The following FSTL5 variants were observed in gnomAD, a reference collection of about 807,000 sequenced individuals.
FSTL5 encodes the protein follistatin-related protein 5.
A neutral mutation model predicts 89.1 loss-of-function variants in FSTL5; 62 were observed. The observed-to-expected ratio is 0.70, with a 90% confidence interval of 0.57 to 0.86. The LOEUF (loss-of-function observed/expected upper bound fraction) is 0.86, where lower values mean the gene tolerates loss of function less well. FSTL5 is among the 40% of genes least tolerant of loss of function. The pLI is 0.00. For missense variants in FSTL5, 1,057 were observed against 1,001.6 expected (o/e 1.06, Z -0.75); for synonymous variants, 383 against 346.2 (o/e 1.11, Z -1.18).
Position 161,385,502 on chromosome 4 carries a change from T to A in FSTL5, c.*245A>T. On this transcript the variant is annotated 3_prime_UTR_variant, in exon 16 of 16. Transcript: ENST00000306100. ...TTTATTGTTTAAAGCATAATTTACA[T>A]ATTTGATTCTTGTGACTGATGTGAT... 2.4e-6 allele frequency: 1 copy of A among 408,658 alleles called. No homozygotes were observed. Among genetic ancestry groups the A allele is most frequent in the Non-Finnish European group, 4.3e-6 (1 of 231,172 alleles). The allele number at this position is 408,658 out of a possible 1,614,324, so 25.3% of individuals were successfully genotyped here. A position where few individuals can be genotyped will look rare whatever the true frequency, so the allele number is the denominator to read the frequency against.
At chr4:161,914,156 C>G (rs536527301) in intron 4 of FSTL5, among the ~76,000 whole-genome samples, 1 of 152,106 alleles carries the variant, frequency 6.6e-6, no homozygotes, top group Non-Finnish European at 1.5e-5. Context: ...AATATTTGAA[C>G]TGACGAAATG....
At chr4:161,818,601 C>A (rs1666334410) in intron 4 of FSTL5, among the ~76,000 whole-genome samples, 1 of 152,308 alleles carries the variant, frequency 6.6e-6, no homozygotes, top group Non-Finnish European at 1.5e-5. Context: ...GAGGTTTGAG[C>A]AGTGGGGCAT....
chr4:161,904,941 T>C (rs1336545881), intron 4 of FSTL5, among the ~76,000 whole-genome samples: 2 of 151,890 alleles, frequency 1.3e-5, no homozygotes, highest in Non-Finnish European at 2.9e-5. Context: ...TATTTTTAAA[T>C]GTATATTTAT....
chr4:161,392,077 T>C (rs746344113), intron 15 of FSTL5, among the ~76,000 whole-genome samples: 16 of 152,178 alleles, frequency 1.1e-4, no homozygotes, highest in Non-Finnish European at 1.8e-4. Flanking sequence ...GGGACTCTAA[T>C]TGTTCTAGGC....
intron 4 of FSTL5, among the ~76,000 whole-genome samples, chr4:161,840,447 C>A (rs1731175761): frequency 6.6e-6 from 1 of 152,086 alleles, no homozygotes; most frequent in African/African-American, 2.4e-5. Context: ...ATGCTTATTT[C>A]TCAATGTATA....
intron 2 of FSTL5, among the ~76,000 whole-genome samples, chr4:162,090,281 A>G (rs1349851624): frequency 6.6e-6 from 1 of 152,160 alleles, no homozygotes; most frequent in Non-Finnish European, 1.5e-5. Context: ...TGCACAGCAA[A>G]AGAGACTGTC....
chr4:161,678,488 A>G (rs1737399468), intron 6 of FSTL5, among the ~76,000 whole-genome samples: 1 of 151,878 alleles, frequency 6.6e-6, no homozygotes, highest in Non-Finnish European at 1.5e-5. Context: ...CAAATACATT[A>G]CTGAAAATAT....
chr4:161,800,262 T>C (rs1256719957), intron 4 of FSTL5, among the ~76,000 whole-genome samples: 7 of 151,670 alleles, frequency 4.6e-5, no homozygotes, highest in Admixed American at 4.6e-4. Flanking sequence ...GGGATAAATA[T>C]AGTTATACAA....
chr4:161,936,345 A>C (rs1306718597), intron 3 of FSTL5, among the ~76,000 whole-genome samples: 3 of 152,198 alleles, frequency 2.0e-5, no homozygotes, highest in Non-Finnish European at 4.4e-5. Flanking sequence ...CTGCTAATTT[A>C]CTATGGTATA....
At chr4:161,608,748 A>G (rs748617478) in intron 7 of FSTL5, among the ~76,000 whole-genome samples, 18 of 152,080 alleles carry the variant, frequency 1.2e-4, no homozygotes, top group Non-Finnish European at 2.4e-4. Context: ...ATATGGTGTA[A>G]TAATAGAAAT....
At chr4:161,870,866 T>C (rs2126899573) in intron 4 of FSTL5, among the ~76,000 whole-genome samples, 1 of 152,220 alleles carries the variant, frequency 6.6e-6, no homozygotes, top group Admixed American at 6.5e-5. Flanking sequence ...ATTATCTGCA[T>C]AATGAAAACA....
At chr4:161,793,832 T>G (rs1027436321) in intron 4 of FSTL5, among the ~76,000 whole-genome samples, 5 of 151,892 alleles carry the variant, frequency 3.3e-5, no homozygotes, top group African/African-American at 4.8e-5. Context: ...TGGTCTCGAA[T>G]TCCTGACCAC....
chr4:161,943,983 T>C (rs1734667752), intron 3 of FSTL5, among the ~76,000 whole-genome samples: 1 of 152,172 alleles, frequency 6.6e-6, no homozygotes, highest in South Asian at 2.1e-4. Context: ...AGTTCTCTTT[T>C]GATAGGTAGA....
intron 2 of FSTL5, among the ~76,000 whole-genome samples, chr4:162,075,086 G>A (rs1408219127): frequency 2.6e-5 from 4 of 151,658 alleles, no homozygotes; most frequent in African/African-American, 9.7e-5. Flanking sequence ...GAAAACCCAG[G>A]GGAAGTTATT....
chr4:162,071,094 A>C (rs2086754), intron 2 of FSTL5, among the ~76,000 whole-genome samples: 8,744 of 151,848 alleles, frequency 0.058, 357 homozygotes, highest in East Asian at 0.11. Context: ...AACAACCAGA[A>C]AACAATTAAC....
At chr4:162,070,356 T>A (rs1479644764) in intron 2 of FSTL5, among the ~76,000 whole-genome samples, 2 of 151,874 alleles carry the variant, frequency 1.3e-5, no homozygotes, top group East Asian at 3.9e-4. Flanking sequence ...AAAAGCTTTT[T>A]AGTTTGATAT....
chr4:161,628,024 C>T (rs1325949621), intron 7 of FSTL5, among the ~76,000 whole-genome samples: 1 of 152,036 alleles, frequency 6.6e-6, no homozygotes, highest in African/African-American at 2.4e-5. Flanking sequence ...ATTTTGGAAC[C>T]AACAAATCTA....
chr4:161,729,257 T>A (rs1044781134), intron 6 of FSTL5, among the ~76,000 whole-genome samples: 7 of 152,178 alleles, frequency 4.6e-5, no homozygotes, highest in Admixed American at 3.9e-4. Context: ...TTAAGAAAGT[T>A]TTAGAGCATA....
chr4:161,709,821 T>C (rs1234934197), intron 6 of FSTL5, among the ~76,000 whole-genome samples: 1 of 152,092 alleles, frequency 6.6e-6, no homozygotes, highest in East Asian at 1.9e-4. Context: ...AAAAAAGGTT[T>C]AAAAATTGGA....
Sources: gnomAD v4.1 joint callset for allele counts (sites outside exome capture counted in the v4.1 genomes callset) on GRCh38, gnomAD v4.1.1 for gene constraint, MANE v1.5 for transcripts, NCBI Gene and HGNC (gene_info 2026-07-23, HGNC 2026-07-21) for gene names.